Variants in HIVEP3 observed in about 807,000 individuals in gnomAD.
The protein encoded by HIVEP3 is transcription factor HIVEP3.
In HIVEP3, 49 loss-of-function variants were observed where a neutral mutation model predicts 152.8. That is an observed-to-expected ratio of 0.32 (90% CI 0.26 to 0.41). The LOEUF (loss-of-function observed/expected upper bound fraction) is 0.41, where lower values mean the gene tolerates loss of function less well. Ranked by LOEUF, HIVEP3 falls within the 10% of genes least tolerant of loss-of-function variation. The pLI is 1.00. For synonymous variants in HIVEP3, 1,269 were observed against 1,289.0 expected (o/e 0.98, Z 0.33); for missense variants, 2,790 against 3,103.3 (o/e 0.90, Z 2.40).
intron 1 of HIVEP3, among the ~76,000 whole-genome samples, chr1:42,003,150 A>G (rs1397745096): frequency 2.0e-5 from 3 of 151,928 alleles, no homozygotes; most frequent in Admixed American, 6.6e-5. Flanking sequence ...ATCTCGGCTC[A>G]CTGTAACCTC....
intron 3 of HIVEP3, among the ~76,000 whole-genome samples, chr1:41,623,944 A>G (rs969786011): frequency 5.3e-5 from 8 of 151,772 alleles, no homozygotes; most frequent in East Asian, 1.9e-4. Flanking sequence ...CTCTGCACAC[A>G]TGTTTACCTT....
intron 1 of HIVEP3, among the ~76,000 whole-genome samples, chr1:41,822,127 G>A (rs1181526156): frequency 6.6e-6 from 1 of 152,186 alleles, no homozygotes; most frequent in Non-Finnish European, 1.5e-5. Context: ...ACTCAGGTTG[G>A]AGGGTCCCAG....
At chr1:41,737,560 C>G (rs574733949) in intron 1 of HIVEP3, among the ~76,000 whole-genome samples, 1 of 152,318 alleles carries the variant, frequency 6.6e-6, no homozygotes, top group South Asian at 2.1e-4. Flanking sequence ...GTCCCACCAG[C>G]TGCTAAACAC....
At chr1:42,021,773 C>T (rs919478540) in intron 1 of HIVEP3, among the ~76,000 whole-genome samples, 4 of 152,118 alleles carry the variant, frequency 2.6e-5, no homozygotes, top group Non-Finnish European at 5.9e-5. Flanking sequence ...GAAATTCTCA[C>T]GTGTATATCA....
intron 1 of HIVEP3, among the ~76,000 whole-genome samples, chr1:41,881,688 A>G (rs1160237144): frequency 6.6e-6 from 1 of 152,244 alleles, no homozygotes; most frequent in East Asian, 1.9e-4. Context: ...CTTATTGTAG[A>G]GTATTTCAGA....
Position 41,516,744 on chromosome 1 carries a change from C to A in HIVEP3, c.5470+1658G>T, listed in dbSNP as rs116012819. Among the ~76,000 whole-genome samples, 695 of 152,346 alleles carry A rather than the reference C, an allele frequency of 4.6e-3. 8 individuals carry two copies. The highest frequency in any genetic ancestry group is 0.016 in the African/African-American group (651 of 41,590). ...CACGCGGGCCAAGCGCCGTGGCCCCCGGGGACCCCACACCTGCTGCTCCCT... is the reference window on the plus strand; with the variant it reads ...CACGCGGGCCAAGCGCCGTGGCCCCAGGGGACCCCACACCTGCTGCTCCCT... On this transcript the variant is annotated intron_variant, in intron 7 of 8. Transcript: ENST00000372583.
chr1:41,869,205 C>A (rs568635148), intron 1 of HIVEP3, among the ~76,000 whole-genome samples: 1 of 152,270 alleles, frequency 6.6e-6, no homozygotes, highest in African/African-American at 2.4e-5. Flanking sequence ...TTACTAAAGA[C>A]AATGCTCATT....
At chr1:41,776,019 G>A (rs1284059707) in intron 1 of HIVEP3, among the ~76,000 whole-genome samples, 1 of 152,214 alleles carries the variant, frequency 6.6e-6, no homozygotes, top group Non-Finnish European at 1.5e-5. Flanking sequence ...ATAGATCACA[G>A]AAGATCCACT....
At chr1:41,836,505 G>T (rs147351282) in intron 1 of HIVEP3, among the ~76,000 whole-genome samples, 67 of 152,286 alleles carry the variant, frequency 4.4e-4, no homozygotes, top group African/African-American at 1.6e-3. Context: ...TCATCTCCTT[G>T]ATCTCCTTAC....
intron 5 of HIVEP3, among the ~76,000 whole-genome samples, chr1:41,529,067 TCA>T (rs1172540384): frequency 1.3e-4 from 8 of 62,142 alleles, no homozygotes; most frequent in African/African-American, 2.6e-4. Context: ...ACCCTCACCC[TCA>T]CACTCACACA....
intron 2 of HIVEP3, among the ~76,000 whole-genome samples, chr1:41,678,438 A>G (rs767604237): frequency 6.6e-6 from 1 of 152,110 alleles, no homozygotes; most frequent in South Asian, 2.1e-4. Flanking sequence ...GGAGGCTGTA[A>G]TTAGCCCAGC....
chr1:41,940,080 C>A (rs1408951), intron 1 of HIVEP3, among the ~76,000 whole-genome samples: 1 of 152,076 alleles, frequency 6.6e-6, no homozygotes, highest in South Asian at 2.1e-4. Flanking sequence ...TAAAAGATAC[C>A]TCACATTAAT....
chr1:41,557,833 G>C (rs1239720101), intron 5 of HIVEP3, among the ~76,000 whole-genome samples: 3 of 152,210 alleles, frequency 2.0e-5, no homozygotes, highest in Non-Finnish European at 4.4e-5. Flanking sequence ...CCCAGGGTTT[G>C]GCTTTGCCAC....
At chr1:41,770,845 T>C (rs1648309315) in intron 1 of HIVEP3, among the ~76,000 whole-genome samples, 1 of 152,084 alleles carries the variant, frequency 6.6e-6, no homozygotes, top group Admixed American at 6.5e-5. Flanking sequence ...TGTGCTAATG[T>C]TAATTTCTTA....
chr1:41,897,835 G>C (rs932683393), intron 1 of HIVEP3, among the ~76,000 whole-genome samples: 2 of 134,322 alleles, frequency 1.5e-5, no homozygotes, highest in Non-Finnish European at 3.3e-5. Context: ...GCATGTGGTG[G>C]GTGAGATCCA....
At chr1:42,014,033 T>C (rs574239789) in intron 1 of HIVEP3, among the ~76,000 whole-genome samples, 109 of 152,328 alleles carry the variant, frequency 7.2e-4, no homozygotes, top group African/African-American at 2.5e-3. Flanking sequence ...CCTGGCATAA[T>C]GCCCCATGTT....
At chr1:41,991,737 C>T (rs1412266736) in intron 1 of HIVEP3, among the ~76,000 whole-genome samples, 2 of 149,652 alleles carry the variant, frequency 1.3e-5, no homozygotes, top group Non-Finnish European at 3.0e-5. Flanking sequence ...AACATTGATG[C>T]AAAAATCCTC....
chr1:41,756,475 T>G (rs1295478392), intron 1 of HIVEP3, among the ~76,000 whole-genome samples: 1 of 152,180 alleles, frequency 6.6e-6, no homozygotes, highest in Admixed American at 6.5e-5. Context: ...AATTCCACTT[T>G]TACAAACTTA....
chr1:41,790,427 C>T (rs1421345076), intron 1 of HIVEP3, among the ~76,000 whole-genome samples: 1 of 152,180 alleles, frequency 6.6e-6, no homozygotes, highest in Non-Finnish European at 1.5e-5. Flanking sequence ...GCCAAATAAA[C>T]CGCTTTTCTG....
Sources: gnomAD v4.1 joint callset for allele counts (sites outside exome capture counted in the v4.1 genomes callset) on GRCh38, gnomAD v4.1.1 for gene constraint, MANE v1.5 for transcripts, NCBI Gene and HGNC (gene_info 2026-07-23, HGNC 2026-07-21) for gene names.